The following RBMS1 variants were observed in gnomAD, a reference collection of about 807,000 sequenced individuals.
The protein encoded by RBMS1 is RNA binding motif single stranded interacting protein 1.
Under a neutral mutation model 62.3 loss-of-function variants are expected in RBMS1, and 17 were observed. The ratio of observed to expected loss-of-function variants is 0.27; its 90% confidence interval spans 0.19 to 0.41. The LOEUF (loss-of-function observed/expected upper bound fraction) is 0.41, where lower values mean the gene tolerates loss of function less well. RBMS1 is among the 10% of genes least tolerant of loss of function. The pLI is 1.00. For synonymous variants in RBMS1, 172 were observed against 170.0 expected, an observed-to-expected ratio of 1.01 and a Z score of -0.09; for missense variants, 334 against 504.5, an observed-to-expected ratio of 0.66 and a Z score of 3.24.
At chr2:160,323,627 A>C (rs1051004302) in intron 2 of RBMS1, among the ~76,000 whole-genome samples, 48 of 151,890 alleles carry the variant, frequency 3.2e-4, no homozygotes, top group African/African-American at 6.3e-4. Flanking sequence ...AAAAAAAAAA[A>C]AAAACTGTGA....
chr2:160,370,525 A>C (rs1693668789), intron 1 of RBMS1, among the ~76,000 whole-genome samples: 1 of 152,208 alleles, frequency 6.6e-6, no homozygotes, highest in Non-Finnish European at 1.5e-5. Context: ...TAATTCAATC[A>C]GACAGGCAGG....
intron 1 of RBMS1, among the ~76,000 whole-genome samples, chr2:160,422,468 G>C (rs1291618627): frequency 6.6e-6 from 1 of 152,106 alleles, no homozygotes; most frequent in East Asian, 1.9e-4. Context: ...ATTGTTTTAA[G>C]TATTTTACAG....
chr2:160,330,421 C>T (rs1691198480), intron 2 of RBMS1, among the ~76,000 whole-genome samples: 1 of 151,960 alleles, frequency 6.6e-6, no homozygotes, highest in Non-Finnish European at 1.5e-5. Flanking sequence ...ATAAATGTCC[C>T]AAAGCTCAGG....
At chr2:160,484,262 G>T (rs1167864462) in intron 1 of RBMS1, among the ~76,000 whole-genome samples, 1 of 149,532 alleles carries the variant, frequency 6.7e-6, no homozygotes, top group African/African-American at 2.5e-5. Context: ...TTGGGAGGCC[G>T]AGGCGGGCAG....
At chr2:160,313,523 G>T (rs572358306) in intron 3 of RBMS1, among the ~76,000 whole-genome samples, 1 of 151,706 alleles carries the variant, frequency 6.6e-6, no homozygotes, top group South Asian at 2.1e-4. Flanking sequence ...TTACTGGTGG[G>T]GGGGAGACAT....
intron 1 of RBMS1, among the ~76,000 whole-genome samples, chr2:160,368,784 C>T (rs146046765): frequency 0.014 from 2,197 of 152,184 alleles, 64 homozygotes; most frequent in African/African-American, 0.049. Context: ...GGATTACAGA[C>T]GCACAACACC....
At position 160,441,871 on chromosome 2, in the gene RBMS1, C is replaced by CCT. The variant is rs543101515; in HGVS notation, c.75+51416_75+51417dup. ...ATCTATTCTAGTGAATGTGAAATGG[C>CCT]CTCGAATTATGGCTATAATTTGCAT... On this transcript the variant is annotated intron_variant, in intron 1 of 13. Transcript: ENST00000348849. 7.2e-5 allele frequency among the ~76,000 whole-genome samples: 11 copies of CCT among 152,272 alleles called. No individual in the cohort carries two copies. The South Asian group carries it at 2.3e-3, about 32-fold the overall frequency.
intron 4 of RBMS1, among the ~76,000 whole-genome samples, chr2:160,307,097 C>T (rs184816193): frequency 3.2e-4 from 49 of 152,126 alleles, no homozygotes; most frequent in Non-Finnish European, 5.9e-4. Flanking sequence ...AAGCCAGGAT[C>T]GGAAGTCCTG....
chr2:160,483,205 C>T (rs963196254), intron 1 of RBMS1, among the ~76,000 whole-genome samples: 6 of 151,588 alleles, frequency 4.0e-5, no homozygotes, highest in African/African-American at 1.2e-4. Context: ...AAAAACACAA[C>T]TTTTTTGTGA....
At chr2:160,446,883 C>G (rs1683674980) in intron 1 of RBMS1, among the ~76,000 whole-genome samples, 1 of 152,204 alleles carries the variant, frequency 6.6e-6, no homozygotes, top group Non-Finnish European at 1.5e-5. Flanking sequence ...TCTACTGCCG[C>G]TGCACCCTGG....
chr2:160,438,649 A>G (rs1384926007), intron 1 of RBMS1, among the ~76,000 whole-genome samples: 7 of 152,152 alleles, frequency 4.6e-5, no homozygotes, highest in Non-Finnish European at 1.0e-4. Flanking sequence ...AAAGTCTCCC[A>G]TGTCTACCTC....
chr2:160,295,918 A>C (rs1243354067), intron 6 of RBMS1, among the ~76,000 whole-genome samples: 1 of 152,242 alleles, frequency 6.6e-6, no homozygotes, highest in East Asian at 1.9e-4. Flanking sequence ...TCCTTGTTGC[A>C]CACAAGAATG....
intron 1 of RBMS1, among the ~76,000 whole-genome samples, chr2:160,420,360 T>C (rs1696374580): frequency 6.6e-6 from 1 of 152,208 alleles, no homozygotes; most frequent in South Asian, 2.1e-4. Flanking sequence ...TCCCTCCGTT[T>C]ACTCTGTTGA....
chr2:160,300,749 G>C lies in RBMS1; in HGVS notation c.561-19C>G, dbSNP rs780912657. ...TTCCATCCTATTTATAATAAAAATA[G>C]AATACATAAATATTTAAAGGTTTCT... On this transcript the variant is annotated intron_variant, in intron 5 of 13. Transcript: ENST00000348849. 6.5e-7 allele frequency: 1 copy of C among 1,549,824 alleles called. No individual in the cohort carries two copies. The highest frequency in any genetic ancestry group is 2.4e-5 in the East Asian group (1 of 41,832).
chr2:160,424,081 C>T (rs903953233), intron 1 of RBMS1, among the ~76,000 whole-genome samples: 4 of 150,224 alleles, frequency 2.7e-5, no homozygotes, highest in Non-Finnish European at 4.4e-5. Context: ...TGCAGTGGTA[C>T]AATCTCAGCT....
intron 2 of RBMS1, among the ~76,000 whole-genome samples, chr2:160,333,648 T>C (rs1573879250): frequency 1.3e-5 from 2 of 152,048 alleles, no homozygotes; most frequent in African/African-American, 4.8e-5. Flanking sequence ...TCCAAGCTCT[T>C]CCCAAACCAC....
At chr2:160,387,831 A>G (rs1253455686) in intron 1 of RBMS1, among the ~76,000 whole-genome samples, 2 of 148,966 alleles carry the variant, frequency 1.3e-5, no homozygotes, top group Non-Finnish European at 1.5e-5. Context: ...TTAGACAGGA[A>G]AAAAAAAAAG....
chr2:160,428,821 C>T (rs910139588), intron 1 of RBMS1, among the ~76,000 whole-genome samples: 5 of 152,188 alleles, frequency 3.3e-5, no homozygotes, highest in African/African-American at 4.8e-5. Context: ...TTTACAAAGT[C>T]TGTAATAGCT....
intron 4 of RBMS1, among the ~76,000 whole-genome samples, chr2:160,312,003 A>G (rs774474001): frequency 1.3e-5 from 2 of 152,224 alleles, no homozygotes; most frequent in African/African-American, 4.8e-5. Context: ...TAAGCACTTA[A>G]GAGATGCATG....
Sources: allele counts gnomAD v4.1 joint callset (sites outside exome capture counted in the v4.1 genomes callset), GRCh38; gene constraint gnomAD v4.1.1; transcripts MANE v1.5; gene names NCBI Gene and HGNC (gene_info 2026-07-23, HGNC 2026-07-21).